VIT: variants seen among roughly 807,000 people sequenced by gnomAD.
VIT encodes the protein vitrin.
Under a neutral mutation model 78.0 loss-of-function variants are expected in VIT, and 99 were observed. That is an observed-to-expected ratio of 1.27 (90% confidence interval 1.08 to 1.50). VIT has a LOEUF of 1.50. Among genes scored for constraint, VIT ranks in the 40% most tolerant of loss-of-function variants. The pLI is 0.00. For synonymous variants in VIT, 374 were observed against 334.3 expected (o/e 1.12, Z -1.29); for missense variants, 1,126 against 875.3 (o/e 1.29, Z -3.61).
At chr2:36,804,233 C>T (rs1050705306) in intron 13 of VIT, among the ~76,000 whole-genome samples, 2 of 152,202 alleles carry the variant, frequency 1.3e-5, no homozygotes, top group African/African-American at 4.8e-5. Context: ...TACTCAGGGC[C>T]ACACAGCTAG....
intron 12 of VIT, among the ~76,000 whole-genome samples, chr2:36,799,041 T>A (rs949969689): frequency 2.0e-5 from 3 of 152,214 alleles, no homozygotes; most frequent in Non-Finnish European, 2.9e-5. Context: ...TGAAATTTCA[T>A]CTATTTGGGT....
At chr2:36,795,537 C>T (rs909570524) in intron 12 of VIT, among the ~76,000 whole-genome samples, 4 of 151,978 alleles carry the variant, frequency 2.6e-5, no homozygotes, top group Admixed American at 1.3e-4. Context: ...CTCAGCCTCC[C>T]GAGTAGCTGG....
chr2:36,804,377 A>G (rs1233543508), intron 13 of VIT, among the ~76,000 whole-genome samples: 1 of 152,204 alleles, frequency 6.6e-6, no homozygotes, highest in African/African-American at 2.4e-5. Flanking sequence ...ACAGCTCTGT[A>G]CAGCCAGCAG....
At chr2:36,712,233 G>A (rs1174537769) in intron 1 of VIT, among the ~76,000 whole-genome samples, 5 of 152,126 alleles carry the variant, frequency 3.3e-5, no homozygotes, top group Admixed American at 1.3e-4. Flanking sequence ...AAATTGCAGC[G>A]GTGAGAAAGA....
At chr2:36,732,796 G>C (rs1350847231) in intron 3 of VIT, among the ~76,000 whole-genome samples, 1 of 152,192 alleles carries the variant, frequency 6.6e-6, no homozygotes, top group Non-Finnish European at 1.5e-5. Flanking sequence ...AAGGTACTCA[G>C]AGAGTTAGGA....
intron 1 of VIT, among the ~76,000 whole-genome samples, chr2:36,700,601 G>T (rs1664989719): frequency 2.0e-5 from 3 of 152,012 alleles, no homozygotes; most frequent in South Asian, 4.2e-4. Flanking sequence ...AATTAGCCAG[G>T]CATGGCTGTG....
intron 2 of VIT, among the ~76,000 whole-genome samples, chr2:36,717,333 AATGTGTGTGTGT>A (rs1352813464): frequency 7.8e-5 from 8 of 102,674 alleles, no homozygotes; most frequent in African/African-American, 2.9e-4. Flanking sequence ...ACGCCTGGCT[AATGTGTGTGTGT>A]GTGTGTGTGT....
intron 2 of VIT, among the ~76,000 whole-genome samples, chr2:36,721,259 T>G (rs1054587637): frequency 2.6e-5 from 4 of 152,122 alleles, no homozygotes; most frequent in Non-Finnish European, 4.4e-5. Flanking sequence ...TATAGACAAT[T>G]TTTATTTGTC....
intron 1 of VIT, among the ~76,000 whole-genome samples, chr2:36,713,939 C>CA (rs1411795792): frequency 1.3e-5 from 2 of 152,072 alleles, no homozygotes; most frequent in Admixed American, 6.5e-5. Context: ...TAATAAAATA[C>CA]AAAAAAAGTC....
At chr2:36,741,230 T>TA (rs1446762065) in intron 3 of VIT, among the ~76,000 whole-genome samples, 1 of 152,124 alleles carries the variant, frequency 6.6e-6, no homozygotes, top group Non-Finnish European at 1.5e-5. Flanking sequence ...AATATGCCTT[T>TA]AAAAAATACT....
chr2:36,702,728 C>T (rs533077356), intron 1 of VIT, among the ~76,000 whole-genome samples: 1 of 152,266 alleles, frequency 6.6e-6, no homozygotes, highest in Non-Finnish European at 1.5e-5. Context: ...GAGCCAGCAT[C>T]CAGGTTCCCT....
chr2:36,757,390 T>A (rs956345878), intron 5 of VIT, among the ~76,000 whole-genome samples: 9 of 152,226 alleles, frequency 5.9e-5, no homozygotes, highest in African/African-American at 2.2e-4. Flanking sequence ...GACCCCCTAA[T>A]ACTTCCCTTT....
chr2:36,715,531 G>T (rs903183825), intron 1 of VIT, among the ~76,000 whole-genome samples: 1 of 149,274 alleles, frequency 6.7e-6, no homozygotes, highest in Non-Finnish European at 1.5e-5. Context: ...GTGAGACTAC[G>T]TCTAAAAAAA....
In VIT at chr2:36,755,074, A is replaced by G. The variant is rs760800411; in HGVS notation, c.409+20A>G. The stretch of plus-strand genomic sequence containing the variant: ...TCTTAGGTATGACCACACACTGGAG[A>G]AACGCTGCTAAACCTACCACAAGAT... On this transcript the variant is annotated intron_variant, in intron 5 of 15. Transcript: ENST00000379242. 6 of 1,604,746 alleles carry G rather than the reference A, an allele frequency of 3.7e-6. No homozygotes were observed. The highest frequency in any genetic ancestry group is 2.7e-5 in the African/African-American group (2 of 74,592).
intron 9 of VIT, among the ~76,000 whole-genome samples, chr2:36,778,030 T>C: frequency 6.6e-6 from 1 of 151,936 alleles, no homozygotes; most frequent in East Asian, 1.9e-4. Context: ...CCTGCCACTC[T>C]CTCCCACTAT....
chr2:36,711,714 G>A (rs955264182), intron 1 of VIT, among the ~76,000 whole-genome samples: 10 of 152,266 alleles, frequency 6.6e-5, no homozygotes, highest in South Asian at 6.2e-4. Flanking sequence ...AAATGCACAC[G>A]AAGTCGCTTT....
intron 4 of VIT, among the ~76,000 whole-genome samples, chr2:36,751,710 A>G (rs1251142155): frequency 6.6e-6 from 1 of 152,196 alleles, no homozygotes; most frequent in Non-Finnish European, 1.5e-5. Context: ...GGAGAAGGGC[A>G]GAAGAGAAGA....
intron 14 of VIT, among the ~76,000 whole-genome samples, chr2:36,806,132 G>T (rs1666709573): frequency 6.6e-6 from 1 of 152,132 alleles, no homozygotes; most frequent in African/African-American, 2.4e-5. Context: ...GCTCCTCCTG[G>T]GTTCTGTGGA....
chr2:36,711,719 C>T (rs1311626168), intron 1 of VIT, among the ~76,000 whole-genome samples: 2 of 152,148 alleles, frequency 1.3e-5, no homozygotes, highest in Non-Finnish European at 2.9e-5. Flanking sequence ...CACACGAAGT[C>T]GCTTTATTTA....
Sources: allele counts gnomAD v4.1 joint callset (sites outside exome capture counted in the v4.1 genomes callset), GRCh38; gene constraint gnomAD v4.1.1; transcripts MANE v1.5; gene names NCBI Gene and HGNC (gene_info 2026-07-23, HGNC 2026-07-21).